Variants in PTPRT observed in about 807,000 individuals in gnomAD.
The protein encoded by PTPRT is protein tyrosine phosphatase receptor type T, also known as receptor-type tyrosine-protein phosphatase T.
A neutral mutation model predicts 176.8 loss-of-function variants in PTPRT; 56 were observed. The observed-to-expected ratio is 0.32, with a 90% CI of 0.26 to 0.40. The LOEUF is 0.40. PTPRT is among the 10% of genes least tolerant of loss of function. The pLI, the probability that PTPRT is intolerant of heterozygous loss-of-function variation, is 1.00. For synonymous variants in PTPRT, 783 were observed against 739.0 expected, an observed-to-expected ratio of 1.06 and a Z score of -0.96; for missense variants, 1,540 against 1,908.2, an observed-to-expected ratio of 0.81 and a Z score of 3.60.
chr20:42,374,653 A>T (rs2058629615), intron 9 of PTPRT, among the ~76,000 whole-genome samples: 1 of 152,244 alleles, frequency 6.6e-6, no homozygotes, highest in African/African-American at 2.4e-5. Flanking sequence ...ACCAAGATAC[A>T]TATTACCAAT....
At chr20:42,208,335 G>T (rs2055527190) in intron 15 of PTPRT, among the ~76,000 whole-genome samples, 2 of 151,168 alleles carry the variant, frequency 1.3e-5, no homozygotes, top group Admixed American at 1.3e-4. Flanking sequence ...CCAATTAAAA[G>T]ACACAGACTG....
At chr20:43,099,066 C>T (rs188576255) in intron 1 of PTPRT, among the ~76,000 whole-genome samples, 253 of 152,104 alleles carry the variant, frequency 1.7e-3, no homozygotes, top group African/African-American at 5.9e-3. Context: ...ATGTCTACCT[C>T]GGGTGATGGC....
intron 14 of PTPRT, among the ~76,000 whole-genome samples, chr20:42,240,215 G>A (rs2056325678): frequency 1.3e-5 from 2 of 152,162 alleles, no homozygotes; most frequent in Admixed American, 1.3e-4. Flanking sequence ...CCAGGATAAT[G>A]GTAACTGACA....
chr20:42,354,944 C>G (rs1377931994), intron 9 of PTPRT, among the ~76,000 whole-genome samples: 1 of 152,094 alleles, frequency 6.6e-6, no homozygotes, highest in African/African-American at 2.4e-5. Flanking sequence ...TTTTTTCAAG[C>G]AGCACCTGAG....
At chr20:42,286,999 A>G (rs1199623709) in intron 12 of PTPRT, among the ~76,000 whole-genome samples, 1 of 152,048 alleles carries the variant, frequency 6.6e-6, no homozygotes, top group Non-Finnish European at 1.5e-5. Flanking sequence ...AATGCTCAAT[A>G]TCACTAATCA....
intron 7 of PTPRT, among the ~76,000 whole-genome samples, chr20:42,633,842 T>A (rs1453290845): frequency 2.2e-5 from 2 of 91,146 alleles, no homozygotes; most frequent in African/African-American, 4.9e-5. Context: ...TATATTATAA[T>A]AATATAATTT....
intron 2 of PTPRT, among the ~76,000 whole-genome samples, chr20:42,876,725 A>G (rs1262414829): frequency 1.3e-5 from 2 of 152,146 alleles, no homozygotes; most frequent in Non-Finnish European, 2.9e-5. Context: ...CTTTAACAAT[A>G]ATTCAGTTAT....
chr20:42,161,688 AC>A, intron 16 of PTPRT, 146 bp from the exon 17 acceptor site: 1 of 738,424 alleles, frequency 1.4e-6, no homozygotes, highest in Non-Finnish European at 2.2e-6. Context: ...GATTGGAGAT[AC>A]ACTCCTTCCC....
intron 7 of PTPRT, among the ~76,000 whole-genome samples, chr20:42,560,487 A>G (rs2072934145): frequency 6.6e-6 from 1 of 152,136 alleles, no homozygotes; most frequent in Non-Finnish European, 1.5e-5. Flanking sequence ...CCAGTAGCAC[A>G]CTCGCCAGGT....
intron 9 of PTPRT, among the ~76,000 whole-genome samples, chr20:42,392,533 G>T (rs1286461200): frequency 3.9e-5 from 6 of 152,036 alleles, no homozygotes; most frequent in Non-Finnish European, 8.8e-5. Context: ...CAGTTCACTT[G>T]GCTTGGCATA....
chr20:43,006,848 T>G (rs1450733442), intron 1 of PTPRT, among the ~76,000 whole-genome samples: 1 of 152,164 alleles, frequency 6.6e-6, no homozygotes, highest in African/African-American at 2.4e-5. Flanking sequence ...CAGACACTGA[T>G]GATAAGCTGA....
At chr20:42,660,716 A>G (rs759776611) in intron 7 of PTPRT, among the ~76,000 whole-genome samples, 3 of 152,242 alleles carry the variant, frequency 2.0e-5, no homozygotes, top group Non-Finnish European at 4.4e-5. Context: ...ACTGGTGACC[A>G]GAACAGACAA....
intron 7 of PTPRT, among the ~76,000 whole-genome samples, chr20:42,472,962 T>C (rs1230925741): frequency 1.3e-5 from 2 of 152,154 alleles, no homozygotes; most frequent in Admixed American, 1.3e-4. Flanking sequence ...CCTGCCTCCT[T>C]ATACTGAATT....
chr20:42,963,991 C>A (rs1343577008), intron 1 of PTPRT, among the ~76,000 whole-genome samples: 3 of 152,078 alleles, frequency 2.0e-5, no homozygotes, highest in Non-Finnish European at 4.4e-5. Context: ...TGTTTTGTAA[C>A]CCTTTAGAAA....
chr20:42,329,425 C>A (rs1435265294), intron 11 of PTPRT, among the ~76,000 whole-genome samples: 1 of 148,530 alleles, frequency 6.7e-6, no homozygotes, highest in Non-Finnish European at 1.5e-5. Flanking sequence ...ACACAGTGAC[C>A]AACAGAGAGG....
At position 42,557,643 on chromosome 20, in the gene PTPRT, G is replaced by A. The variant is rs145079033; in HGVS notation, c.1154-85081C>T. ...GGATCCAGACAATCAATAGCAAGGG[G>A]ACAGAAAGTCATTGTGGAGTAGCAA... On this transcript the variant is annotated intron_variant, in intron 7 of 30. Coordinates refer to ENST00000373187, the MANE Select transcript of PTPRT (RefSeq NM_007050.6). Among the ~76,000 whole-genome samples the A allele has an allele frequency of 1.0e-3, 155 of 152,256 alleles. 2 individuals carry two copies. Among genetic ancestry groups the A allele is most frequent in the Middle Eastern group, 3.4e-3 (1 of 294 alleles).
intron 1 of PTPRT, among the ~76,000 whole-genome samples, chr20:42,900,595 T>C (rs182384838): frequency 6.6e-6 from 1 of 152,184 alleles, no homozygotes; most frequent in African/African-American, 2.4e-5. Context: ...CCATATCACA[T>C]AGAAGACAGG....
chr20:42,991,075 G>A (rs926700993), intron 1 of PTPRT, among the ~76,000 whole-genome samples: 7 of 152,198 alleles, frequency 4.6e-5, no homozygotes, highest in East Asian at 1.9e-4. Context: ...GAAAGCGGGC[G>A]GAACTCTGAA....
At chr20:42,883,729 C>CATGCACACCCACA (rs1241979748) in intron 2 of PTPRT, among the ~76,000 whole-genome samples, 1 of 128,078 alleles carries the variant, frequency 7.8e-6, no homozygotes, top group Non-Finnish European at 1.7e-5. Context: ...CACCCATACA[C>CATGCACACCCACA]CCCCATACAC....
Sources: allele counts gnomAD v4.1 joint callset (sites outside exome capture counted in the v4.1 genomes callset), GRCh38; gene constraint gnomAD v4.1.1; transcripts MANE v1.5; gene names NCBI Gene and HGNC (gene_info 2026-07-23, HGNC 2026-07-21).